Variants in RHOBTB2 observed in about 807,000 individuals in gnomAD.
RHOBTB2 encodes the protein Rho related BTB domain containing 2, also known as rho-related BTB domain-containing protein 2.
A neutral mutation model predicts 66.5 loss-of-function variants in RHOBTB2; 39 were observed. The observed-to-expected ratio is 0.59, with a 90% CI of 0.45 to 0.77. The LOEUF (loss-of-function observed/expected upper bound fraction) is 0.77. Ranked by LOEUF, RHOBTB2 falls within the 30% of genes least tolerant of loss-of-function variation. The pLI is 0.00. For synonymous variants in RHOBTB2, 390 were observed against 395.0 expected, an observed-to-expected ratio of 0.99 and a Z score of 0.15; for missense variants, 755 against 999.1, an observed-to-expected ratio of 0.76 and a Z score of 3.29.
At chr8:22,959,255 G>A in the RHOBTB2 span, among the ~76,000 whole-genome samples, 1 of 151,854 alleles carries the variant, frequency 6.6e-6, no homozygotes, top group Non-Finnish European at 1.5e-5. Flanking sequence ...TTGTTTGTTT[G>A]TTTGTTTTTG....
chr8:23,010,451 G>A, intron 6 of RHOBTB2, 87 bp from the exon 7 acceptor site: 2 of 1,481,332 alleles, frequency 1.4e-6, no homozygotes, highest in South Asian at 1.3e-5. Context: ...TGGGTGTGAG[G>A]GCCAGAGCTC....
intron 1 of RHOBTB2, among the ~76,000 whole-genome samples, chr8:23,003,271 A>G (rs1454405391): frequency 6.6e-6 from 1 of 152,212 alleles, no homozygotes; most frequent in South Asian, 2.1e-4. Flanking sequence ...ACAGATTTTT[A>G]AACACGAACA....
the RHOBTB2 span, among the ~76,000 whole-genome samples, chr8:22,975,467 G>A: frequency 6.6e-6 from 1 of 152,184 alleles, no homozygotes; most frequent in East Asian, 1.9e-4. Context: ...TTGGGAGTTG[G>A]TGCATGCGGT....
chr8:22,954,747 G>A, the RHOBTB2 span, among the ~76,000 whole-genome samples: 1 of 152,134 alleles, frequency 6.6e-6, no homozygotes, highest in Non-Finnish European at 1.5e-5. Flanking sequence ...TTAAGGTAGG[G>A]AAGGAAATAT....
At chr8:22,958,802 GA>G in the RHOBTB2 span, among the ~76,000 whole-genome samples, 162 of 52,140 alleles carry the variant, frequency 3.1e-3, no homozygotes, top group African/African-American at 9.4e-3. Context: ...GCCCCTCTCT[GA>G]AAAAAAAAAA....
the RHOBTB2 span, among the ~76,000 whole-genome samples, chr8:22,957,339 G>C: frequency 6.6e-6 from 1 of 152,108 alleles, no homozygotes; most frequent in African/African-American, 2.4e-5. Context: ...CTAAATATTT[G>C]AGAGGAAATA....
chr8:22,962,322 G>A, the RHOBTB2 span, among the ~76,000 whole-genome samples: 15 of 146,228 alleles, frequency 1.0e-4, no homozygotes, highest in Non-Finnish European at 7.4e-5. Flanking sequence ...GTGATTTTAC[G>A]AGAAAATTAT....
chr8:23,017,632 A>G lies in RHOBTB2; in HGVS notation c.*163A>G. ...ACCAGCCACCGTGGCTCAGCCAGAG[A>G]GGAGCTGAGCCCTGTGGAGCAGAAC... On this transcript the variant is annotated 3_prime_UTR_variant, in exon 10 of 10. Coordinates refer to ENST00000251822, the MANE Select transcript of RHOBTB2 (RefSeq NM_015178.3). This position sits in a 1 kb window ranked among gnomAD's most constrained non-coding sequence, Gnocchi z 5.3. The G allele has an allele frequency of 8.6e-7, 1 of 1,162,110 alleles. No individual in the cohort carries two copies. Among genetic ancestry groups the G allele is most frequent in the South Asian group, 1.6e-5 (1 of 64,362 alleles). The allele number at this position is 1,162,110 out of a possible 1,614,324, so 72.0% of individuals were successfully genotyped here.
chr8:22,997,627 C>T (rs191330124), upstream of RHOBTB2, among the ~76,000 whole-genome samples: 1 of 152,148 alleles, frequency 6.6e-6, no homozygotes, highest in Non-Finnish European at 1.5e-5. Context: ...GCTTACAGTC[C>T]GAGCAGCCAC....
chr8:22,980,003 C>T, the RHOBTB2 span, among the ~76,000 whole-genome samples: 1 of 151,972 alleles, frequency 6.6e-6, no homozygotes, highest in Non-Finnish European at 1.5e-5. Context: ...CGTGATCCAC[C>T]CTCCTTGGCC....
At chr8:22,978,810 AAATAG>A in the RHOBTB2 span, among the ~76,000 whole-genome samples, 2 of 152,208 alleles carry the variant, frequency 1.3e-5, no homozygotes, top group African/African-American at 4.8e-5. Flanking sequence ...TATGACATGC[AAATAG>A]AATAACTAAA....
At chr8:22,954,002 T>A in the RHOBTB2 span, among the ~76,000 whole-genome samples, 1 of 152,230 alleles carries the variant, frequency 6.6e-6, no homozygotes, top group Non-Finnish European at 1.5e-5. Context: ...TATAAGTGAA[T>A]AATCGCTATC....
intron 1 of RHOBTB2, chr8:23,003,979 C>T: frequency 3.9e-6 from 1 of 255,662 alleles, no homozygotes; most frequent in Non-Finnish European, 7.8e-6. Context: ...TGCCCTCAGG[C>T]ATGCTGGGAA....
chr8:22,993,902 A>C (rs963837167), intron 2 of RHOBTB2, among the ~76,000 whole-genome samples: 8 of 152,254 alleles, frequency 5.3e-5, no homozygotes, highest in African/African-American at 1.9e-4. Flanking sequence ...CCATTTAAAG[A>C]AACTGAAGGT....
chr8:22,953,437 G>T, the RHOBTB2 span, among the ~76,000 whole-genome samples: 55 of 151,018 alleles, frequency 3.6e-4, no homozygotes, highest in Middle Eastern at 3.2e-3. Flanking sequence ...GGGTTGGGGT[G>T]GGAGGGACCC....
chr8:22,953,843 A>G, the RHOBTB2 span, among the ~76,000 whole-genome samples: 2 of 152,216 alleles, frequency 1.3e-5, no homozygotes, highest in Non-Finnish European at 2.9e-5. Context: ...ATGATGATAC[A>G]TAGAAGAATG....
rs1256214225 is a variant in RHOBTB2 at position 23,006,815 on chromosome 8, G to A, written c.570G>A (p.Val190=). 6.2e-7 allele frequency: 1 copy of A among 1,614,118 alleles called. No individual in the cohort carries two copies. The highest frequency in any genetic ancestry group is 1.7e-5 in the Admixed American group (1 of 60,020). ...ELGIPYYETS[V]VAQFGIKDVF... ...GCATCCCCTACTATGAGACCAGCGTGGTGGCCCAGTTCGGCATCAAGGACG... is the reference window on the plus strand; with the variant it reads ...GCATCCCCTACTATGAGACCAGCGTAGTGGCCCAGTTCGGCATCAAGGACG... Residue 190 remains valine, a synonymous_variant, in exon 5 of 10, where the codon GTG becomes GTA. Coordinates refer to ENST00000251822, the MANE Select transcript of RHOBTB2 (RefSeq NM_015178.3). This position sits in a 1 kb window ranked among gnomAD's most constrained non-coding sequence, Gnocchi z 6.1.
intron 3 of RHOBTB2, 87 bp from the exon 4 acceptor site, chr8:23,005,873 G>A (rs1479370845): frequency 1.5e-6 from 2 of 1,302,774 alleles, no homozygotes; most frequent in African/African-American, 1.5e-5. Context: ...GTGTGGGACT[G>A]TACAGGGCTG....
At chr8:22,979,737 TCTTTC>T in the RHOBTB2 span, among the ~76,000 whole-genome samples, 396 of 97,724 alleles carry the variant, frequency 4.1e-3, 3 homozygotes, top group Non-Finnish European at 7.9e-3. Context: ...TCTTTTCTTT[TCTTTC>T]TTTTTTTTTT....
Sources: allele counts gnomAD v4.1 joint callset (sites outside exome capture counted in the v4.1 genomes callset), GRCh38; gene constraint gnomAD v4.1.1; non-coding constraint Gnocchi (gnomAD v3.1); transcripts MANE v1.5; gene names NCBI Gene and HGNC (gene_info 2026-07-23, HGNC 2026-07-21).